KCNN2: variants seen among roughly 807,000 people sequenced by gnomAD.
KCNN2 encodes small conductance calcium-activated potassium channel protein 2.
KCNN2 carries 24 observed loss-of-function variants against 55.5 expected under a neutral mutation model. The observed-to-expected ratio is 0.43, with a 90% confidence interval of 0.31 to 0.61. The LOEUF is 0.61. Ranked by LOEUF, KCNN2 falls within the 20% of genes least tolerant of loss-of-function variation. The pLI, the probability that KCNN2 is intolerant of heterozygous loss-of-function variation, is 0.08. For synonymous variants in KCNN2, 431 were observed against 336.1 expected (o/e 1.28, Z -3.09); for missense variants, 754 against 853.6 (o/e 0.88, Z 1.45).
intron 2 of KCNN2, among the ~76,000 whole-genome samples, chr5:114,379,543 A>G (rs62381471): frequency 1.7e-3 from 115 of 68,572 alleles, no homozygotes; most frequent in African/African-American, 5.8e-3. Flanking sequence ...ATTATATATT[A>G]TAGAATATAT....
At chr5:114,228,499 G>A (rs1018895762) in intron 2 of KCNN2, among the ~76,000 whole-genome samples, 2 of 152,018 alleles carry the variant, frequency 1.3e-5, no homozygotes, top group African/African-American at 4.8e-5. Context: ...AAATAAAATA[G>A]TTTTATTATG....
intron 6 of KCNN2, among the ~76,000 whole-genome samples, chr5:114,488,783 A>G (rs1258201516): frequency 6.6e-6 from 1 of 152,134 alleles, no homozygotes. Flanking sequence ...CAACACATTC[A>G]TACAGGAGGT....
intron 2 of KCNN2, among the ~76,000 whole-genome samples, chr5:114,304,080 A>G (rs1756219556): frequency 1.3e-5 from 2 of 152,200 alleles, no homozygotes; most frequent in Admixed American, 1.3e-4. Flanking sequence ...GTTAGAAAAT[A>G]GAGTTAGACT....
At chr5:114,351,885 C>T (rs1164137672) in intron 2 of KCNN2, among the ~76,000 whole-genome samples, 6 of 151,658 alleles carry the variant, frequency 4.0e-5, no homozygotes, top group South Asian at 2.1e-4. Context: ...CATCTATATA[C>T]ATAAATGTAG....
At position 114,362,540 on chromosome 5, in the gene KCNN2, G is replaced by C. The variant is rs1483883345; in HGVS notation, c.401G>C (p.Ser134Thr). 1.7e-6 allele frequency: 1 copy of C among 573,144 alleles called. No homozygotes were observed. The highest frequency in any genetic ancestry group is 2.9e-6 in the Non-Finnish European group (1 of 340,044). 35.5% of individuals were successfully genotyped at this position (573,144 alleles called of 1,614,324 possible). A position where few individuals can be genotyped will look rare whatever the true frequency, so the allele number is the denominator to read the frequency against. ...AATGTGAGCGAGCTGACGCCGTCCA[G>C]CCATGCCAGTGCGCTCCGGCAGCAG... ...QLNVSELTPS[S>T]HASALRQQYA... Residue 134 changes from serine to threonine, a missense_variant, in exon 1 of 8, where the codon AGC (serine) becomes ACC (threonine). By Grantham distance (58) the Ser-to-Thr change is moderately conservative (BLOSUM62 1). Transcript: ENST00000673685.
At chr5:114,098,861 A>G (rs1751316873) in intron 1 of KCNN2, among the ~76,000 whole-genome samples, 1 of 152,090 alleles carries the variant, frequency 6.6e-6, no homozygotes, top group African/African-American at 2.4e-5. Context: ...TAGTTTCCAC[A>G]GGGGTGAATC....
At chr5:114,283,705 G>A (rs957591787) in intron 2 of KCNN2, among the ~76,000 whole-genome samples, 1 of 152,154 alleles carries the variant, frequency 6.6e-6, no homozygotes, top group African/African-American at 2.4e-5. Flanking sequence ...TGAATGACAG[G>A]TTAGATCATT....
At chr5:114,274,249 A>AGTG (rs55913856) in intron 2 of KCNN2, among the ~76,000 whole-genome samples, 1 of 151,176 alleles carries the variant, frequency 6.6e-6, no homozygotes, top group South Asian at 2.1e-4. Context: ...GTAGCCTTGT[A>AGTG]TAGTTTGAAG....
chr5:114,097,523 T>C (rs1751283710), intron 1 of KCNN2, among the ~76,000 whole-genome samples: 1 of 152,156 alleles, frequency 6.6e-6, no homozygotes, highest in African/African-American at 2.4e-5. Context: ...TCACTATAGC[T>C]TGTTCCCCTG....
At chr5:114,197,647 T>G (rs1753587273) in intron 1 of KCNN2, among the ~76,000 whole-genome samples, 1 of 152,106 alleles carries the variant, frequency 6.6e-6, no homozygotes, top group Non-Finnish European at 1.5e-5. Context: ...CTCACCTGCC[T>G]GGAATAAGAG....
intron 3 of KCNN2, among the ~76,000 whole-genome samples, chr5:114,449,908 A>ACACACACACACGCGCGCGCG (rs1309590184): frequency 3.0e-5 from 2 of 66,120 alleles, no homozygotes; most frequent in African/African-American, 7.0e-5. Flanking sequence ...ACACACACAC[A>ACACACACACACGCGCGCGCG]CGCGCGCGCT....
chr5:114,073,743 A>G (rs1421276767), intron 1 of KCNN2, among the ~76,000 whole-genome samples: 1 of 152,248 alleles, frequency 6.6e-6, no homozygotes, highest in Admixed American at 6.5e-5. Context: ...TGCCTAGTAT[A>G]GTGCCTGATC....
Position 114,256,738 on chromosome 5 carries a change from T to C in KCNN2, c.-185+35173T>C, listed in dbSNP as rs185909085. ...TGGGATTATTTGTTGGTTTTTCTTGTTGAGTTGTTTCAGTTCTTTGGAGAT... is the reference window on the plus strand; with the variant it reads ...TGGGATTATTTGTTGGTTTTTCTTGCTGAGTTGTTTCAGTTCTTTGGAGAT... On this transcript the variant is annotated intron_variant, in intron 2 of 10. Transcript: ENST00000512097. Among the ~76,000 whole-genome samples, 225 of 152,268 alleles carry C rather than the reference T, an allele frequency of 1.5e-3. 4 individuals are homozygous for C. Among genetic ancestry groups the C allele is most frequent in the Admixed American group, 0.013 (197 of 15,288 alleles).
chr5:114,106,643 G>T (rs113161660), intron 1 of KCNN2, among the ~76,000 whole-genome samples: 813 of 69,498 alleles, frequency 0.012, 13 homozygotes, highest in Middle Eastern at 0.024. Context: ...TTTTCCAGTT[G>T]TTTTTTTTTT....
chr5:114,403,671 C>A (rs1057011257), intron 2 of KCNN2, among the ~76,000 whole-genome samples: 1 of 152,140 alleles, frequency 6.6e-6, no homozygotes, highest in Non-Finnish European at 1.5e-5. Context: ...TTTTCTGTCC[C>A]TTTTACTCTT....
chr5:114,441,376 A>T (rs1451912252), intron 3 of KCNN2, among the ~76,000 whole-genome samples: 1 of 152,218 alleles, frequency 6.6e-6, no homozygotes, highest in Admixed American at 6.5e-5. Flanking sequence ...GTAAAGATAC[A>T]TTCCCTTCCA....
chr5:114,494,325 C>A (rs886760988), intron 7 of KCNN2, among the ~76,000 whole-genome samples: 10 of 150,260 alleles, frequency 6.7e-5, no homozygotes, highest in Non-Finnish European at 1.3e-4. Context: ...ATAAAAATTA[C>A]AAGTATTTGT....
intron 3 of KCNN2, among the ~76,000 whole-genome samples, chr5:114,437,508 C>G (rs531494726): frequency 6.6e-6 from 1 of 152,026 alleles, no homozygotes; most frequent in Non-Finnish European, 1.5e-5. Context: ...AAACAGTGCT[C>G]TGCAGAATCT....
intron 2 of KCNN2, among the ~76,000 whole-genome samples, chr5:114,264,082 T>A (rs1755162831): frequency 6.6e-6 from 1 of 152,146 alleles, no homozygotes; most frequent in African/African-American, 2.4e-5. Flanking sequence ...TCCAATTAGG[T>A]GATTATTTTA....
Sources: gnomAD v4.1 joint callset for allele counts (sites outside exome capture counted in the v4.1 genomes callset) on GRCh38, gnomAD v4.1.1 for gene constraint, MANE v1.5 for transcripts, NCBI Gene and HGNC (gene_info 2026-07-23, HGNC 2026-07-21) for gene names.